C20orf173: variants seen among roughly 807,000 people sequenced by gnomAD.
C20orf173 encodes chromosome 20 open reading frame 173.
A neutral mutation model predicts 26.7 loss-of-function variants in C20orf173; 22 were observed. That is an observed-to-expected ratio of 0.82 (90% CI 0.59 to 1.18). C20orf173 has a LOEUF of 1.18. C20orf173 is among the 50% of genes most tolerant of loss of function. C20orf173 has a pLI of 0.00. For missense variants in C20orf173, 210 were observed against 250.3 expected, an observed-to-expected ratio of 0.84 and a Z score of 1.09; for synonymous variants, 85 against 96.4, an observed-to-expected ratio of 0.88 and a Z score of 0.69.
rs761102741 is a variant in C20orf173, at chr20:35,529,163, C to T, written c.211G>A (p.Asp71Asn). 1.9e-5 allele frequency: 29 copies of T among 1,551,586 alleles called. No homozygotes were observed. Among genetic ancestry groups the T allele is most frequent in the African/African-American group, 4.1e-5 (3 of 73,028 alleles). Residue 71 changes from aspartate (D) to asparagine (N), a missense_variant, in exon 2 of 6, where the codon GAC becomes AAC. By Grantham distance (23) the Asp-to-Asn change is conservative. Coordinates refer to ENST00000444723, the MANE Select transcript of C20orf173 (RefSeq NM_001145350.2). ...LNCSSCHHTADEWNWLDACSR... is the reference protein window; with the variant it reads ...LNCSSCHHTANEWNWLDACSR... Reference sequence around the variant, plus strand: ...CACGCATCAAGCCAGTTCCATTCGTCGGCTGTGTGGTGGCAGGAGGAGCAG... The same window carrying T: ...CACGCATCAAGCCAGTTCCATTCGTTGGCTGTGTGGTGGCAGGAGGAGCAG...
chr20:35,521,788 A>G (rs553278870), downstream of C20orf173, among the ~76,000 whole-genome samples: 66 of 152,094 alleles, frequency 4.3e-4, no homozygotes, highest in Admixed American at 2.1e-3. Flanking sequence ...TTGTATTTTT[A>G]GTAGAGACGG....
At chr20:35,521,940 G>C (rs1238112554), downstream of C20orf173, 1 of 152,714 alleles carries the variant, frequency 6.5e-6, no homozygotes, top group Non-Finnish European at 1.5e-5. Flanking sequence ...GCAGAGGAGT[G>C]AAAGTCCGTG....
downstream of C20orf173, chr20:35,522,863 A>C (rs1368522736): frequency 6.6e-6 from 1 of 152,630 alleles, no homozygotes; most frequent in African/African-American, 2.4e-5. Context: ...TCGAGTCCCT[A>C]GGAGCATAGG....
chr20:35,528,461 A>G lies in C20orf173; in HGVS notation c.572T>C (p.Leu191Pro), dbSNP rs2064521291. The stretch of plus-strand genomic sequence containing the variant: ...GGACACCTCCATCACCTTATCACTT[A>G]GAGCATCTGAAGTCCACACCAGGTC... Reference protein sequence around the residue: ...LSDLVWTSDALSDKILEDGLV... With the variant: ...LSDLVWTSDAPSDKILEDGLV... The change falls in exon 4 of 6, where the codon CTA becomes CCA. Residue 191 changes from leucine to proline, a missense_variant. By Grantham distance (98) the Leu-to-Pro change is moderately conservative. Transcript: ENST00000444723. 2 of 1,551,562 alleles carry G rather than the reference A, an allele frequency of 1.3e-6. No homozygotes were observed. Among genetic ancestry groups the G allele is most frequent in the Non-Finnish European group, 1.7e-6 (2 of 1,146,968 alleles).
rs371043617 is a variant in C20orf173 at position 35,528,525 on chromosome 20, AG to A, written c.507del (p.Ser170ProfsTer22). The A allele has an allele frequency of 8.4e-6, 13 of 1,551,678 alleles. No individual in the cohort carries two copies. The highest frequency in any genetic ancestry group is 1.7e-4 in the Middle Eastern group (1 of 5,986). On this transcript the variant is annotated frameshift_variant, in exon 4 of 6. Transcript: ENST00000444723. LOFTEE classifies it high-confidence loss of function. Reference protein sequence around the residue: ...PVVFRNASDQGSWMQLEMLLR... With the variant: ...PVVFRNASDQXSWMQLEMLLR... Reference sequence around the variant, plus strand: ...AGTAGCATCTCCAGCTGCATCCAGGAGCCCTGGTCGCTGGCATTCCTGGGAT... The same window carrying A: ...AGTAGCATCTCCAGCTGCATCCAGGACCCTGGTCGCTGGCATTCCTGGGAT...
chr20:35,524,221 A>G (rs2079427954), downstream of C20orf173, among the ~76,000 whole-genome samples: 1 of 151,638 alleles, frequency 6.6e-6, no homozygotes. Context: ...GGGTTTCACC[A>G]TGTTGGCCAG....
chr20:35,523,937 G>T (rs572281744), downstream of C20orf173, among the ~76,000 whole-genome samples: 3 of 152,310 alleles, frequency 2.0e-5, no homozygotes, highest in East Asian at 1.9e-4. Context: ...CTTCTGAAGA[G>T]AATTTACTAT....
downstream of C20orf173, among the ~76,000 whole-genome samples, chr20:35,526,787 T>C (rs186337037): frequency 2.0e-5 from 3 of 152,266 alleles, no homozygotes; most frequent in East Asian, 5.8e-4. Context: ...GGTTTACTTC[T>C]TTTATCGAAG....
In C20orf173 at chr20:35,528,881, T is replaced by C. The variant is rs1484755098; in HGVS notation, c.310-2A>G. The C allele has an allele frequency of 3.2e-6, 5 of 1,551,234 alleles. No individual in the cohort carries two copies. In the East Asian group the frequency reaches 1.2e-4, roughly 38 times the overall value. On this transcript the variant is annotated splice_acceptor_variant, in intron 2 of 5. Coordinates refer to ENST00000444723, the MANE Select transcript of C20orf173 (RefSeq NM_001145350.2). LOFTEE classifies it high-confidence loss of function. ...AAGCTCGCTCCCTGAGTTCATGCCC[T>C]GGAAACAGCAAGAGGGAGATTGGGG...
At position 35,528,453 on chromosome 20, in the gene C20orf173, T is replaced by TA; in HGVS notation, c.579dup (p.Lys194Ter). 1 of 1,551,416 alleles carries TA rather than the reference T, an allele frequency of 6.4e-7. No homozygotes were observed. Among genetic ancestry groups the TA allele is most frequent in the Non-Finnish European group, 8.7e-7 (1 of 1,146,884 alleles). ...ATGTCTGGGGACACCTCCATCACCT[T>TA]ATCACTTAGAGCATCTGAAGTCCAC... On this transcript the variant is annotated frameshift_variant, in exon 4 of 6. Transcript: ENST00000444723. LOFTEE classifies it high-confidence loss of function.
chr20:35,522,856 A>G (rs573382269), downstream of C20orf173: 1 of 152,744 alleles, frequency 6.5e-6, no homozygotes, highest in East Asian at 1.9e-4. Context: ...GACCCTCTCG[A>G]GTCCCTAGGA....
In C20orf173 at chr20:35,527,093, T is replaced by C. The variant is rs995091297; in HGVS notation, c.*183A>G. 2 of 152,220 alleles carry C rather than the reference T, an allele frequency of 1.3e-5. No homozygotes were observed. Among genetic ancestry groups the C allele is most frequent in the Non-Finnish European group, 2.9e-5 (2 of 68,056 alleles). The allele number at this position is 152,220 out of a possible 1,614,324, so 9.4% of individuals were successfully genotyped here. A position where few individuals can be genotyped will look rare whatever the true frequency, so the allele number is the denominator to read the frequency against. ...CTCAGCTAGGCTGAGCTTGTGTGAA[T>C]AGTGAGCTTGTCCACACGCTAGCTG... On this transcript the variant is annotated 3_prime_UTR_variant, in exon 6 of 6. Coordinates refer to ENST00000444723, the MANE Select transcript of C20orf173 (RefSeq NM_001145350.2).
Position 35,528,522 on chromosome 20 carries a change from AG to A in C20orf173, c.510del (p.Trp171GlyfsTer21). 1 of 1,551,728 alleles carries A rather than the reference AG, an allele frequency of 6.4e-7. No individual in the cohort carries two copies. The highest frequency in any genetic ancestry group is 1.2e-5 in the South Asian group (1 of 84,062). Reference sequence around the variant, plus strand: ...CGCAGTAGCATCTCCAGCTGCATCCAGGAGCCCTGGTCGCTGGCATTCCTGG... The same window carrying A: ...CGCAGTAGCATCTCCAGCTGCATCCAGAGCCCTGGTCGCTGGCATTCCTGG... ...VVFRNASDQG[S>X]WMQLEMLLRK... On this transcript the variant is annotated frameshift_variant, in exon 4 of 6. Coordinates refer to ENST00000444723, the MANE Select transcript of C20orf173 (RefSeq NM_001145350.2). LOFTEE classifies it high-confidence loss of function.
chr20:35,525,741 G>C (rs539028491), downstream of C20orf173, among the ~76,000 whole-genome samples: 1 of 152,340 alleles, frequency 6.6e-6, no homozygotes, highest in Non-Finnish European at 1.5e-5. Context: ...TATTGAAGCA[G>C]CATTGCACAG....
At chr20:35,524,707 T>C (rs1435108610), downstream of C20orf173, among the ~76,000 whole-genome samples, 1 of 151,654 alleles carries the variant, frequency 6.6e-6, no homozygotes, top group Non-Finnish European at 1.5e-5. Flanking sequence ...TAATTTTTTT[T>C]TTTTTTTTGA....
chr20:35,521,837 A>T (rs1306888259), downstream of C20orf173: 3 of 152,202 alleles, frequency 2.0e-5, no homozygotes, highest in African/African-American at 2.4e-5. Flanking sequence ...CGAACTCCTG[A>T]CCTCAGGTGA....
At chr20:35,521,522 G>A (rs926434424), downstream of C20orf173, among the ~76,000 whole-genome samples, 2 of 151,774 alleles carry the variant, frequency 1.3e-5, no homozygotes, top group African/African-American at 4.9e-5. Context: ...AGAGAGGAGA[G>A]GGAGAGAGGA....
chr20:35,523,945 T>C (rs2064489114), downstream of C20orf173, among the ~76,000 whole-genome samples: 1 of 152,198 alleles, frequency 6.6e-6, no homozygotes, highest in African/African-American at 2.4e-5. Flanking sequence ...GAGAATTTAC[T>C]ATACTGATGA....
downstream of C20orf173, among the ~76,000 whole-genome samples, chr20:35,526,736 CA>C (rs2064505321): frequency 6.9e-6 from 1 of 144,506 alleles, no homozygotes; most frequent in Non-Finnish European, 1.5e-5. Context: ...AAACAAAAAA[CA>C]AAAAACAACC....
Sources: gnomAD v4.1 joint callset for allele counts (sites outside exome capture counted in the v4.1 genomes callset) on GRCh38, gnomAD v4.1.1 for gene constraint, MANE v1.5 for transcripts, NCBI Gene and HGNC (gene_info 2026-07-23, HGNC 2026-07-21) for gene names.